The following FARP2 variants were observed in gnomAD, a reference collection of about 807,000 sequenced individuals.
FARP2 encodes the protein FERM, ARH/RhoGEF and pleckstrin domain protein 2.
In FARP2, 111 loss-of-function variants were observed where a neutral mutation model predicts 130.5. That is an observed-to-expected ratio of 0.85 (90% CI 0.73 to 1.00). FARP2 has a LOEUF of 1.00. Among genes scored for constraint, FARP2 ranks in the 50% least tolerant of loss-of-function variants. FARP2 has a pLI of 0.00. For missense variants in FARP2, 1,385 were observed against 1,346.3 expected, an observed-to-expected ratio of 1.03 and a Z score of -0.45; for synonymous variants, 504 against 516.9, an observed-to-expected ratio of 0.98 and a Z score of 0.34.
At chr2:241,415,861 G>A (rs1030300290) in intron 7 of FARP2, among the ~76,000 whole-genome samples, 10 of 152,218 alleles carry the variant, frequency 6.6e-5, no homozygotes, top group African/African-American at 2.2e-4. Flanking sequence ...GCTTCAGTGA[G>A]TGGTGAGGGT....
At chr2:241,443,758 G>C (rs116925727) in intron 13 of FARP2, 12 of 152,406 alleles carry the variant, frequency 7.9e-5, no homozygotes, top group Admixed American at 7.2e-4. Context: ...TCCACAGATA[G>C]GGTTGGGGTT....
At chr2:241,458,421 G>A (rs1250100289) in intron 14 of FARP2, among the ~76,000 whole-genome samples, 1 of 152,158 alleles carries the variant, frequency 6.6e-6, no homozygotes, top group African/African-American at 2.4e-5. Context: ...GTGGGATGCT[G>A]GGACTCTCAG....
chr2:241,379,670 A>G (rs1203146248), intron 2 of FARP2, among the ~76,000 whole-genome samples: 1 of 152,242 alleles, frequency 6.6e-6, no homozygotes, highest in East Asian at 1.9e-4. Flanking sequence ...TATTGTAGCC[A>G]GATGTTTGTC....
intron 2 of FARP2, among the ~76,000 whole-genome samples, chr2:241,382,440 T>A (rs955770419): frequency 1.3e-5 from 2 of 151,926 alleles, no homozygotes; most frequent in African/African-American, 4.8e-5. Flanking sequence ...TGTGCCACCA[T>A]GCCCGGCTAA....
At chr2:241,391,074 A>T (rs1485472403) in intron 2 of FARP2, among the ~76,000 whole-genome samples, 1 of 152,196 alleles carries the variant, frequency 6.6e-6, no homozygotes, top group Non-Finnish European at 1.5e-5. Flanking sequence ...GTGAGTTTTC[A>T]CAAGTACGCA....
intron 2 of FARP2, among the ~76,000 whole-genome samples, chr2:241,383,147 C>T (rs1223953018): frequency 6.6e-6 from 1 of 152,210 alleles, no homozygotes; most frequent in Non-Finnish European, 1.5e-5. Flanking sequence ...ATTTGCTGAG[C>T]CTCGGTGTGC....
At chr2:241,393,845 C>T (rs558891480) in intron 2 of FARP2, among the ~76,000 whole-genome samples, 53 of 152,270 alleles carry the variant, frequency 3.5e-4, no homozygotes, top group African/African-American at 1.2e-3. Context: ...TGGAAAAGGA[C>T]CTTAACACCA....
At chr2:241,431,813 T>A (rs775643663) in intron 9 of FARP2, 39 bp downstream of exon 9, 7 of 657,416 alleles carry the variant, frequency 1.1e-5, no homozygotes, top group Non-Finnish European at 8.8e-6. Context: ...TATTTTATTT[T>A]ATTTATTTAT....
chr2:241,452,164 CAGAGCCTAAA>C (rs1486939298), intron 13 of FARP2, among the ~76,000 whole-genome samples: 2 of 152,200 alleles, frequency 1.3e-5, no homozygotes, highest in Non-Finnish European at 2.9e-5. Flanking sequence ...TTCAAAATTG[CAGAGCCTAAA>C]AGGCACTAAC....
Position 241,431,712 on chromosome 2 carries a change from A to G in FARP2, c.805A>G (p.Lys269Glu). The G allele has an allele frequency of 3.1e-6, 5 of 1,603,698 alleles. No homozygotes were observed. Among genetic ancestry groups the G allele is most frequent in the Non-Finnish European group, 4.3e-6 (5 of 1,172,432 alleles). ...TTKINTFNWSKVRKLSFKRKR... is the reference protein window; with the variant it reads ...TTKINTFNWSEVRKLSFKRKR... ...CAAAATCAACACTTTCAACTGGTCC[A>G]AGGTCCGTAAACTAAGCTTCAAGAG... Residue 269 changes from lysine (K) to glutamate (E), a missense_variant, in exon 9 of 27, where the codon AAG (lysine) becomes GAG (glutamate). Coordinates refer to ENST00000264042, the MANE Select transcript of FARP2 (RefSeq NM_014808.4).
chr2:241,493,418 G>A lies in FARP2; in HGVS notation c.3021G>A (p.Arg1007=). The A allele has an allele frequency of 6.2e-7, 1 of 1,613,842 alleles. No individual in the cohort carries two copies. Among genetic ancestry groups the A allele is most frequent in the Non-Finnish European group, 8.5e-7 (1 of 1,180,010 alleles). The change falls in exon 26 of 27, where the codon CGG becomes CGA. Residue 1007 remains arginine (R), a synonymous_variant. Coordinates refer to ENST00000264042, the MANE Select transcript of FARP2 (RefSeq NM_014808.4). ...TCAAATCCCACGTCTACTTCTTCCG[G>A]GCTGAGAGCAAGTACACATTTGAAA... The part of the protein sequence containing the change: ...LQFKSHVYFF[R]AESKYTFERW...
intron 2 of FARP2, among the ~76,000 whole-genome samples, chr2:241,382,424 C>A (rs2150315023): frequency 6.6e-6 from 1 of 151,668 alleles, no homozygotes; most frequent in South Asian, 2.1e-4. Flanking sequence ...GCTGGGACTA[C>A]AGATGTGTGC....
Position 241,411,066 on chromosome 2 carries a change from G to T in FARP2, c.444G>T (p.Leu148=). The T allele has an allele frequency of 6.2e-7, 1 of 1,612,182 alleles. No homozygotes were observed. Among genetic ancestry groups the T allele is most frequent in the Non-Finnish European group, 8.5e-7 (1 of 1,179,056 alleles). The change falls in exon 6 of 27, where the codon CTG becomes CTT. Residue 148 remains leucine (L), a synonymous_variant. Coordinates refer to ENST00000264042, the MANE Select transcript of FARP2 (RefSeq NM_014808.4). ...TTGCCTTGCAACTTAAGAGAGACCTGCTGGAAGAGCGTTTGACCTGTGCTG... is the reference window on the plus strand; with the variant it reads ...TTGCCTTGCAACTTAAGAGAGACCTTCTGGAAGAGCGTTTGACCTGTGCTG... ...YLFALQLKRD[L]LEERLTCADT... is the part of the protein sequence containing the mutation.
chr2:241,440,349 TAGTG>T (rs1559772080), intron 12 of FARP2, among the ~76,000 whole-genome samples: 1 of 152,160 alleles, frequency 6.6e-6, no homozygotes, highest in South Asian at 2.1e-4. Flanking sequence ...GAGTGACGCT[TAGTG>T]AGTAGAGGGG....
At chr2:241,407,680 C>T (rs2062398982) in intron 5 of FARP2, 65 bp downstream of exon 5, 1 of 1,194,168 alleles carries the variant, frequency 8.4e-7, no homozygotes, top group Admixed American at 1.8e-5. Flanking sequence ...TTATCTCCCA[C>T]AGCACCTGGC....
chr2:241,459,487 C>T lies in FARP2; in HGVS notation c.1587+2565C>T, dbSNP rs943528637. Among the ~76,000 whole-genome samples the T allele has an allele frequency of 6.6e-6, 1 of 152,216 alleles. No individual in the cohort carries two copies. Among genetic ancestry groups the T allele is most frequent in the Non-Finnish European group, 1.5e-5 (1 of 68,022 alleles). On this transcript the variant is annotated intron_variant, in intron 14 of 26. Transcript: ENST00000264042. The surrounding 1 kb of genome is among the most constrained non-coding windows in gnomAD (Gnocchi z 5.3). ...CCCTCGCCAGCTGGTGCCCTCCTCC[C>T]CAGTGTCTCCCACTTGATGCACTGT...
rs1574916267 is a variant in FARP2, at chr2:241,490,030, C to T, written c.2490C>T (p.Ile830=). The T allele has an allele frequency of 1.9e-6, 3 of 1,613,398 alleles. No homozygotes were observed. Among genetic ancestry groups the T allele is most frequent in the Non-Finnish European group, 2.5e-6 (3 of 1,179,328 alleles). The part of the protein sequence containing the change: ...CFTIYAAQKT[I]VVAASTRLEK... ...CCATCTACGCGGCTCAGAAAACAAT[C>T]GTGGTGGCAGCCAGGTAAGGGTCTT... Residue 830 remains isoleucine, a synonymous_variant, in exon 22 of 27, where the codon ATC becomes ATT. Transcript: ENST00000264042.
At chr2:241,363,018 C>T (rs1454592428) in intron 1 of FARP2, among the ~76,000 whole-genome samples, 2 of 152,228 alleles carry the variant, frequency 1.3e-5, no homozygotes, top group African/African-American at 4.8e-5. Flanking sequence ...GTGCATGGAG[C>T]AGCTGTTGAG....
At chr2:241,477,477 C>T (rs969425245) in intron 19 of FARP2, among the ~76,000 whole-genome samples, 9 of 152,184 alleles carry the variant, frequency 5.9e-5, no homozygotes, top group Non-Finnish European at 1.0e-4. Context: ...ATGTATCACA[C>T]GTCTCTCCAC....
Sources: gnomAD v4.1 joint callset for allele counts (sites outside exome capture counted in the v4.1 genomes callset) on GRCh38, gnomAD v4.1.1 for gene constraint, Gnocchi (gnomAD v3.1) non-coding constraint, MANE v1.5 for transcripts, NCBI Gene and HGNC (gene_info 2026-07-23, HGNC 2026-07-21) for gene names.